EPHA6: variants seen among roughly 807,000 people sequenced by gnomAD.
EPHA6 encodes the protein EPH receptor A6.
In EPHA6, 50 loss-of-function variants were observed where a neutral mutation model predicts 112.0. The ratio of observed to expected loss-of-function variants is 0.45; its 90% CI spans 0.36 to 0.56. EPHA6 has a LOEUF of 0.56. Ranked by LOEUF, EPHA6 falls within the 20% of genes least tolerant of loss-of-function variation. The pLI is 0.00. For synonymous variants in EPHA6, 529 were observed against 490.7 expected, an observed-to-expected ratio of 1.08 and a Z score of -1.03; for missense variants, 1,280 against 1,417.4, an observed-to-expected ratio of 0.90 and a Z score of 1.56.
At chr3:97,562,309 A>G (rs1007860643) in intron 11 of EPHA6, among the ~76,000 whole-genome samples, 2 of 152,186 alleles carry the variant, frequency 1.3e-5, no homozygotes, top group Non-Finnish European at 2.9e-5. Flanking sequence ...TTTAGATGCC[A>G]TTAGGAACAT....
At chr3:96,824,371 C>T (rs898598760) in intron 1 of EPHA6, among the ~76,000 whole-genome samples, 26 of 151,730 alleles carry the variant, frequency 1.7e-4, no homozygotes, top group Non-Finnish European at 7.4e-5. Flanking sequence ...AATATTTTGT[C>T]ATTGCAATAT....
rs199934630 is a variant in EPHA6 at position 96,990,997 on chromosome 3, A to AT, written c.1114+3013dup. On this transcript the variant is annotated intron_variant, in intron 3 of 17. Coordinates refer to ENST00000389672, the MANE Select transcript of EPHA6 (RefSeq NM_001080448.3). ...AACAATTAATTAATCTACAGTATTGATTTTTTTTTAGAGACAGGGTCTTAT... is the reference window on the plus strand; with the variant it reads ...AACAATTAATTAATCTACAGTATTGATTTTTTTTTTAGAGACAGGGTCTTAT... Among the ~76,000 whole-genome samples the AT allele has an allele frequency of 2.0e-3, 300 of 149,774 alleles. 3 individuals are homozygous for AT. Among genetic ancestry groups the AT allele is most frequent in the Non-Finnish European group, 2.0e-3 (134 of 67,626 alleles).
intron 13 of EPHA6, among the ~76,000 whole-genome samples, chr3:97,635,886 T>C (rs1036419113): frequency 1.3e-5 from 2 of 152,128 alleles, no homozygotes; most frequent in African/African-American, 4.8e-5. Flanking sequence ...AATTTCAACC[T>C]GGTCTTAAGT....
chr3:97,692,133 A>G (rs1300102970), intron 14 of EPHA6, among the ~76,000 whole-genome samples: 1 of 152,214 alleles, frequency 6.6e-6, no homozygotes, highest in African/African-American at 2.4e-5. Flanking sequence ...ACACTATAAA[A>G]TATGGAATTT....
intron 1 of EPHA6, among the ~76,000 whole-genome samples, chr3:96,839,286 G>T (rs1043099530): frequency 6.6e-6 from 1 of 151,526 alleles, no homozygotes; most frequent in African/African-American, 2.4e-5. Context: ...ATCAGTGGTG[G>T]CACTAGATTC....
At chr3:97,653,486 C>A (rs2094119836) in intron 14 of EPHA6, among the ~76,000 whole-genome samples, 2 of 151,716 alleles carry the variant, frequency 1.3e-5, no homozygotes, top group African/African-American at 4.8e-5. Flanking sequence ...TGGTGATTAT[C>A]AAAAAGACAA....
chr3:97,186,256 T>G (rs908962027), intron 3 of EPHA6, among the ~76,000 whole-genome samples: 3 of 152,100 alleles, frequency 2.0e-5, no homozygotes, highest in Non-Finnish European at 4.4e-5. Flanking sequence ...CCTCTCAGCC[T>G]GCTTCCTAGC....
chr3:96,994,728 T>TATATAC (rs2043343600), intron 3 of EPHA6, among the ~76,000 whole-genome samples: 1 of 78,854 alleles, frequency 1.3e-5, no homozygotes, highest in Non-Finnish European at 2.3e-5. Context: ...TATATATATA[T>TATATAC]ATATAGAGAG....
At chr3:97,612,534 C>A (rs2107465460) in intron 13 of EPHA6, 1 of 245,654 alleles carries the variant, frequency 4.1e-6, no homozygotes, top group Non-Finnish European at 8.5e-6. Flanking sequence ...ATAATGAATC[C>A]ATTAAATGTT....
intron 11 of EPHA6, among the ~76,000 whole-genome samples, chr3:97,544,406 G>T (rs531376050): frequency 6.6e-6 from 1 of 152,046 alleles, no homozygotes; most frequent in Non-Finnish European, 1.5e-5. Flanking sequence ...ATTGATTTGC[G>T]TATGTTGAAC....
At chr3:97,699,235 T>C (rs2033223994) in intron 14 of EPHA6, among the ~76,000 whole-genome samples, 1 of 152,184 alleles carries the variant, frequency 6.6e-6, no homozygotes, top group Admixed American at 6.5e-5. Flanking sequence ...CCCCTCTTGG[T>C]GATAAAGAAT....
At chr3:97,210,828 T>C (rs901969486) in intron 3 of EPHA6, among the ~76,000 whole-genome samples, 14 of 152,326 alleles carry the variant, frequency 9.2e-5, no homozygotes, top group East Asian at 7.7e-4. Flanking sequence ...CTCTGCCCCA[T>C]GCAGCATCAG....
At chr3:97,310,039 A>G (rs2081483861) in intron 5 of EPHA6, among the ~76,000 whole-genome samples, 1 of 151,626 alleles carries the variant, frequency 6.6e-6, no homozygotes, top group African/African-American at 2.4e-5. Context: ...ATTCATTAAT[A>G]AATCTTTAGA....
intron 3 of EPHA6, among the ~76,000 whole-genome samples, chr3:97,180,368 T>C (rs2076954320): frequency 6.6e-6 from 1 of 152,084 alleles, no homozygotes. Flanking sequence ...AATCACTTGG[T>C]GCTATACCCT....
chr3:97,352,224 T>C (rs886722685), intron 5 of EPHA6, among the ~76,000 whole-genome samples: 3 of 151,880 alleles, frequency 2.0e-5, no homozygotes, highest in Non-Finnish European at 2.9e-5. Context: ...TATATTTGGG[T>C]TCAAGGGTGG....
chr3:97,275,241 C>T (rs935295383), intron 5 of EPHA6, among the ~76,000 whole-genome samples: 1 of 152,090 alleles, frequency 6.6e-6, no homozygotes, highest in Non-Finnish European at 1.5e-5. Context: ...CAGACACGAT[C>T]AGCAGGGAGA....
At chr3:97,262,117 C>A (rs1308475196) in intron 5 of EPHA6, among the ~76,000 whole-genome samples, 1 of 152,098 alleles carries the variant, frequency 6.6e-6, no homozygotes, top group African/African-American at 2.4e-5. Flanking sequence ...ATTAAGATAG[C>A]TTTTAACAGA....
chr3:97,128,601 C>T (rs2048247454), intron 3 of EPHA6, among the ~76,000 whole-genome samples: 1 of 152,092 alleles, frequency 6.6e-6, no homozygotes, highest in South Asian at 2.1e-4. Context: ...TCACTGCAAC[C>T]TCTACCTCCT....
intron 10 of EPHA6, among the ~76,000 whole-genome samples, chr3:97,504,856 A>G (rs1050151519): frequency 6.6e-6 from 1 of 152,216 alleles, no homozygotes; most frequent in African/African-American, 2.4e-5. Context: ...TTCTAATATA[A>G]CATGTACATT....
Sources: allele counts gnomAD v4.1 joint callset (sites outside exome capture counted in the v4.1 genomes callset), GRCh38; gene constraint gnomAD v4.1.1; transcripts MANE v1.5; gene names NCBI Gene and HGNC (gene_info 2026-07-23, HGNC 2026-07-21).